PTK7: variants seen among roughly 807,000 people sequenced by gnomAD.
PTK7 encodes protein tyrosine kinase 7 (inactive).
Under a neutral mutation model 116.6 loss-of-function variants are expected in PTK7, and 39 were observed. The ratio of observed to expected loss-of-function variants is 0.33; its 90% CI spans 0.26 to 0.44. The LOEUF (loss-of-function observed/expected upper bound fraction) is 0.44, where lower values mean the gene tolerates loss of function less well. Ranked by LOEUF, PTK7 falls within the 20% of genes least tolerant of loss-of-function variation. PTK7 has a pLI of 1.00. For synonymous variants in PTK7, 546 were observed against 563.6 expected, an observed-to-expected ratio of 0.97 and a Z score of 0.44; for missense variants, 1,169 against 1,425.6, an observed-to-expected ratio of 0.82 and a Z score of 2.90.
chr6:43,118,045 G>A (rs1358310566), intron 1 of PTK7, among the ~76,000 whole-genome samples: 4 of 150,862 alleles, frequency 2.7e-5, no homozygotes, highest in African/African-American at 9.7e-5. Context: ...ACAGGATCTA[G>A]CAAGAAGTGG....
At chr6:43,134,098 G>A (rs1259957562) in intron 7 of PTK7, among the ~76,000 whole-genome samples, 1 of 152,168 alleles carries the variant, frequency 6.6e-6, no homozygotes, top group Non-Finnish European at 1.5e-5. Flanking sequence ...GAGTGTAGTG[G>A]TGTGATCTTG....
chr6:43,155,780 G>A (rs1164427685), intron 17 of PTK7, among the ~76,000 whole-genome samples: 1 of 152,170 alleles, frequency 6.6e-6, no homozygotes, highest in African/African-American at 2.4e-5. Context: ...CTTTGGAAAA[G>A]AGTTGGGCAT....
rs1185251885 is a variant in PTK7, at chr6:43,076,706, G to C, written c.79+139G>C. ...AGAGGCTCGCTGGGGGTGCAGGCTT[G>C]CGGCGGAAGGGCGCAAGGAGCCCGG... On this transcript the variant is annotated intron_variant, in intron 1 of 19. Transcript: ENST00000230419. This position sits in a 1 kb window ranked among gnomAD's most constrained non-coding sequence, Gnocchi z 5.7. 1.4e-6 allele frequency: 2 copies of C among 1,384,220 alleles called. No homozygotes were observed. Among genetic ancestry groups the C allele is most frequent in the Non-Finnish European group, 1.9e-6 (2 of 1,052,870 alleles). 85.7% of individuals were successfully genotyped at this position (1,384,220 alleles called of 1,614,324 possible).
intron 1 of PTK7, among the ~76,000 whole-genome samples, chr6:43,122,754 G>C (rs1419101848): frequency 1.3e-5 from 2 of 151,942 alleles, no homozygotes; most frequent in Non-Finnish European, 2.9e-5. Context: ...TTATAGGCAC[G>C]CGCCACCATG....
Position 43,143,587 on chromosome 6 carries a change from G to C in PTK7, c.2218G>C (p.Glu740Gln). 1 of 1,612,930 alleles carries C rather than the reference G, an allele frequency of 6.2e-7. No homozygotes were observed. Residue 740 changes from glutamate (E) to glutamine (Q), a missense_variant, in exon 14 of 20, where the codon GAG becomes CAG. Glu to Gln is a conservative substitution (Grantham distance 29). Coordinates refer to ENST00000230419, the MANE Select transcript of PTK7 (RefSeq NM_002821.5). The surrounding 1 kb of genome is among the most constrained non-coding windows in gnomAD (Gnocchi z 4.2). ...CKAKRLQKQP[E>Q]GEEPEMECLN... ...AGCCAAGCGGCTGCAGAAGCAGCCC[G>C]AGGGCGAGGAGCCAGAGATGGAATG...
intron 7 of PTK7, 75 bp from the exon 8 acceptor site, chr6:43,138,774 G>C: frequency 6.6e-7 from 1 of 1,518,128 alleles, no homozygotes; most frequent in Non-Finnish European, 8.8e-7. Flanking sequence ...ATGGTAGTAG[G>C]ATTTCTTGGA....
intron 1 of PTK7, chr6:43,077,020 C>G (rs1766067368): frequency 1.4e-6 from 2 of 1,416,050 alleles, no homozygotes. Context: ...CGATGCCGGA[C>G]AGACCTGCGG....
rs1769571807 is a variant in PTK7, at chr6:43,130,235, C to T, written c.476C>T (p.Thr159Ile). Residue 159 changes from threonine to isoleucine, a missense_variant, in exon 4 of 20, where the codon ACC (threonine) becomes ATC (isoleucine). By Grantham distance (89) the Thr-to-Ile change is moderately conservative (BLOSUM62 -1). Coordinates refer to ENST00000230419, the MANE Select transcript of PTK7 (RefSeq NM_002821.5). Reference protein sequence around the residue: ...RCHIDGHPRPTYQWFRDGTPL... With the variant: ...RCHIDGHPRPIYQWFRDGTPL... ...TGACTGTGTCTGCCCTGCAGGCCCA[C>T]CTACCAATGGTTCCGAGATGGGACC... is the stretch of plus-strand genomic sequence containing the variant. 1 of 1,576,610 alleles carries T rather than the reference C, an allele frequency of 6.3e-7. No homozygotes were observed. The highest frequency in any genetic ancestry group is 8.6e-7 in the Non-Finnish European group (1 of 1,156,528).
At chr6:43,110,437 A>T in intron 1 of PTK7, among the ~76,000 whole-genome samples, 1 of 147,606 alleles carries the variant, frequency 6.8e-6, no homozygotes, top group African/African-American at 2.5e-5. Flanking sequence ...TTTGAGATGG[A>T]ATTTTGCTCT....
intron 1 of PTK7, among the ~76,000 whole-genome samples, chr6:43,094,527 C>T (rs1767131687): frequency 2.0e-5 from 3 of 151,190 alleles, no homozygotes; most frequent in Middle Eastern, 3.4e-3. Context: ...TGCAGTGGCA[C>T]GATCTCGGCT....
At position 43,145,287 on chromosome 6, in the gene PTK7, T is replaced by C; in HGVS notation, c.2495T>C (p.Leu832Pro). The change falls in exon 16 of 20, where the codon CTG becomes CCG. Residue 832 changes from leucine to proline, a missense_variant. By Grantham distance (98) the Leu-to-Pro change is moderately conservative. This residue lies in a region of PTK7 where 678 missense variants were observed against 853.8 expected (regional missense o/e 0.79). Transcript: ENST00000230419. This position sits in a 1 kb window ranked among gnomAD's most constrained non-coding sequence, Gnocchi z 4.8. ...GAGACCCTGGTACTTGTGAAGAGCC[T>C]GCAGAGCAAGGATGAGCAGCAGCAG... ...VAETLVLVKS[L>P]QSKDEQQQLD... 6.2e-7 allele frequency: 1 copy of C among 1,614,028 alleles called. No individual in the cohort carries two copies. Among genetic ancestry groups the C allele is most frequent in the Non-Finnish European group, 8.5e-7 (1 of 1,179,958 alleles).
chr6:43,153,809 G>A (rs1442797610), intron 17 of PTK7, among the ~76,000 whole-genome samples: 4 of 151,900 alleles, frequency 2.6e-5, no homozygotes, highest in Non-Finnish European at 5.9e-5. Flanking sequence ...GGCCAAGGTG[G>A]AAGGATTGCT....
At chr6:43,157,348 AT>A (rs1771517242) in intron 17 of PTK7, among the ~76,000 whole-genome samples, 1 of 4,710 alleles carries the variant, frequency 2.1e-4, no homozygotes, top group African/African-American at 6.8e-4. Flanking sequence ...ATATATATAT[AT>A]ATATATATAT....
chr6:43,138,043 A>G (rs1243467699), intron 7 of PTK7, among the ~76,000 whole-genome samples: 1 of 152,160 alleles, frequency 6.6e-6, no homozygotes, highest in African/African-American at 2.4e-5. Context: ...TCCTGACCTC[A>G]AATGATCTGC....
At chr6:43,150,528 ATTGT>A (rs1052449509) in intron 17 of PTK7, among the ~76,000 whole-genome samples, 1 of 152,092 alleles carries the variant, frequency 6.6e-6, no homozygotes, top group African/African-American at 2.4e-5. Flanking sequence ...CTAGCAGCAG[ATTGT>A]TTAACTTGTG....
intron 1 of PTK7, among the ~76,000 whole-genome samples, chr6:43,110,832 C>A (rs1402662291): frequency 6.6e-6 from 1 of 152,220 alleles, no homozygotes; most frequent in African/African-American, 2.4e-5. Flanking sequence ...GTCATTTCTA[C>A]CTTGTATCTT....
intron 1 of PTK7, chr6:43,077,069 A>AC (rs1286779555): frequency 7.8e-7 from 1 of 1,279,244 alleles, no homozygotes; most frequent in Non-Finnish European, 1.0e-6. Context: ...CGCCGACCCG[A>AC]CGTTCCCGGC....
intron 17 of PTK7, among the ~76,000 whole-genome samples, chr6:43,149,809 T>C (rs186609742): frequency 5.1e-4 from 77 of 152,374 alleles, no homozygotes; most frequent in Admixed American, 2.7e-3. Flanking sequence ...GTCCTCTTTT[T>C]ATTTATTTTT....
At chr6:43,134,519 C>T (rs554666693) in intron 7 of PTK7, among the ~76,000 whole-genome samples, 19 of 152,160 alleles carry the variant, frequency 1.2e-4, no homozygotes, top group Non-Finnish European at 2.6e-4. Context: ...CGGTGGCTCA[C>T]GCTTGTAATC....
Sources: allele counts gnomAD v4.1 joint callset (sites outside exome capture counted in the v4.1 genomes callset), GRCh38; gene constraint gnomAD v4.1.1; regional missense constraint gnomAD v4.1.1; non-coding constraint Gnocchi (gnomAD v3.1); transcripts MANE v1.5; gene names NCBI Gene and HGNC (gene_info 2026-07-23, HGNC 2026-07-21).